Variants in CFDP1 observed in about 807,000 individuals in gnomAD.
CFDP1 encodes the protein heterochromatin-stabilizing protein CFDP1.
Under a neutral mutation model 40.1 loss-of-function variants are expected in CFDP1, and 31 were observed. The ratio of observed to expected loss-of-function variants is 0.77; its 90% confidence interval spans 0.58 to 1.04. CFDP1 has a LOEUF of 1.04. Ranked by LOEUF, CFDP1 falls within the 50% of genes least tolerant of loss-of-function variation. CFDP1 has a pLI of 0.00. For synonymous variants in CFDP1, 167 were observed against 120.0 expected (o/e 1.39, Z -2.56); for missense variants, 423 against 343.4 (o/e 1.23, Z -1.83).
intron 5 of CFDP1, among the ~76,000 whole-genome samples, chr16:75,357,975 T>TA (rs2078656583): frequency 6.6e-6 from 1 of 152,202 alleles, no homozygotes; most frequent in Non-Finnish European, 1.5e-5. Context: ...CTTGAACACT[T>TA]AGAGGTCACT....
chr16:75,390,393 A>G (rs911897981), intron 5 of CFDP1, among the ~76,000 whole-genome samples: 5 of 152,232 alleles, frequency 3.3e-5, no homozygotes, highest in Non-Finnish European at 7.3e-5. Flanking sequence ...AAGTCAGTGT[A>G]GAGAGAATCC....
rs780601023 is a variant in CFDP1 at position 75,412,671 on chromosome 16, T to C, written c.266A>G (p.Glu89Gly). Reference protein sequence around the residue: ...NSESEGSSSEEEDDAAEQEKG... With the variant: ...NSESEGSSSEGEDDAAEQEKG... ...TTCCTGCTCTGCAGCGTCATCTTCC[T>C]CCTCACTACTGCTTCCCTCAGATTC... The change falls in exon 3 of 7, where the codon GAG (glutamate) becomes GGG (glycine). Residue 89 changes from glutamate to glycine, a missense_variant. Coordinates refer to ENST00000283882, the MANE Select transcript of CFDP1 (RefSeq NM_006324.3). 1.2e-6 allele frequency: 2 copies of C among 1,614,148 alleles called. No homozygotes were observed. Among genetic ancestry groups the C allele is most frequent in the Non-Finnish European group, 1.7e-6 (2 of 1,180,034 alleles).
intron 5 of CFDP1, among the ~76,000 whole-genome samples, chr16:75,345,110 A>G (rs2078553196): frequency 6.6e-6 from 1 of 152,016 alleles, no homozygotes; most frequent in African/African-American, 2.4e-5. Context: ...AGGTTCACTT[A>G]AGCCCAAGAG....
chr16:75,349,676 A>AT lies in CFDP1; in HGVS notation c.651-44495_651-44494insA, dbSNP rs1199163361. The stretch of plus-strand genomic sequence containing the variant: ...AAAAAAAAAAAAAAAAAAAAAAAAA[A>AT]AAAAAAAAAAAAAAATATATATACA... On this transcript the variant is annotated intron_variant, in intron 5 of 6. Transcript: ENST00000283882. Among the ~76,000 whole-genome samples the AT allele has an allele frequency of 3.1e-3, 18 of 5,864 alleles. 1 individual carries two copies. The highest frequency in any genetic ancestry group is 4.9e-3 in the African/African-American group (8 of 1,626). 3.8% of individuals were successfully genotyped at this position (5,864 alleles called of 152,430 possible).
chr16:75,295,495 T>A (rs2078175916), intron 6 of CFDP1, among the ~76,000 whole-genome samples: 1 of 152,242 alleles, frequency 6.6e-6, no homozygotes, highest in Non-Finnish European at 1.5e-5. Flanking sequence ...AGGTACTCAA[T>A]AAAATGACAG....
Position 75,294,098 on chromosome 16 carries a change from T to C in CFDP1, c.810-56A>G. ...AATCCAGTAGGAAAAACTCCTCCCCTGCACAGTCCCATCCCCCAGGGATAA... is the reference window on the plus strand; with the variant it reads ...AATCCAGTAGGAAAAACTCCTCCCCCGCACAGTCCCATCCCCCAGGGATAA... On this transcript the variant is annotated intron_variant, in intron 6 of 6. Coordinates refer to ENST00000283882, the MANE Select transcript of CFDP1 (RefSeq NM_006324.3). The C allele has an allele frequency of 2.3e-6, 3 of 1,304,972 alleles. No individual in the cohort carries two copies. In the South Asian group the frequency reaches 3.5e-5, roughly 15 times the overall value. The allele number at this position is 1,304,972 out of a possible 1,614,324, so 80.8% of individuals were successfully genotyped here.
chr16:75,320,458 A>G (rs890723140), intron 5 of CFDP1, among the ~76,000 whole-genome samples: 2 of 152,180 alleles, frequency 1.3e-5, no homozygotes, highest in Non-Finnish European at 2.9e-5. Context: ...AAAAAAGAAA[A>G]AAATCAAGTG....
chr16:75,318,487 C>G (rs550569052), intron 5 of CFDP1, among the ~76,000 whole-genome samples: 11 of 150,138 alleles, frequency 7.3e-5, no homozygotes, highest in African/African-American at 1.2e-4. Context: ...CTCACTGCAA[C>G]CTCCGCCTCC....
rs1162709942 is a variant in CFDP1, at chr16:75,418,376, G to T, written c.65-3681C>A. 5.5e-5 allele frequency among the ~76,000 whole-genome samples: 8 copies of T among 145,786 alleles called. No individual in the cohort carries two copies. In the Admixed American group the frequency reaches 5.6e-4, roughly 10 times the overall value. On this transcript the variant is annotated intron_variant, in intron 1 of 6. Transcript: ENST00000283882. ...GCTAGAGTGCAGTGGCACGATCTCG[G>T]CTCACTGCAAGCTCCGCCTCCCGGG...
At chr16:75,337,872 C>A (rs564372631) in intron 5 of CFDP1, among the ~76,000 whole-genome samples, 5 of 152,288 alleles carry the variant, frequency 3.3e-5, no homozygotes, top group African/African-American at 1.2e-4. Context: ...CATTGACCAA[C>A]GACTTCAGCA....
chr16:75,401,055 G>A (rs1309344354), intron 4 of CFDP1, among the ~76,000 whole-genome samples: 1 of 152,254 alleles, frequency 6.6e-6, no homozygotes, highest in South Asian at 2.1e-4. Flanking sequence ...CAGCACTTTG[G>A]GAGGCCGAGG....
At chr16:75,300,238 A>G (rs1259817034) in intron 6 of CFDP1, among the ~76,000 whole-genome samples, 4 of 152,150 alleles carry the variant, frequency 2.6e-5, no homozygotes, top group African/African-American at 4.8e-5. Flanking sequence ...GAAACCATCA[A>G]TTGGACTTGT....
intron 5 of CFDP1, among the ~76,000 whole-genome samples, chr16:75,349,713 G>A (rs185436815): frequency 3.4e-5 from 3 of 88,178 alleles, no homozygotes; most frequent in African/African-American, 4.4e-5. Context: ...ACATATATAC[G>A]GTTGATTTTT....
At chr16:75,337,198 G>A (rs867907985) in intron 5 of CFDP1, among the ~76,000 whole-genome samples, 1 of 152,236 alleles carries the variant, frequency 6.6e-6, no homozygotes, top group South Asian at 2.1e-4. Context: ...CTGAAAGGGA[G>A]AAGACAGCAA....
chr16:75,414,045 A>G lies in CFDP1; in HGVS notation c.182+533T>C, dbSNP rs946344058. 3.3e-5 allele frequency among the ~76,000 whole-genome samples: 5 copies of G among 152,336 alleles called. No individual in the cohort carries two copies. In the East Asian group the frequency reaches 9.6e-4, roughly 29 times the overall value. ...TTTGTTGTAGTAAAGACTAGATACA[A>G]TCTAAACATCCCTCGATACAGGAAA... is the stretch of plus-strand genomic sequence containing the variant. On this transcript the variant is annotated intron_variant, in intron 2 of 6. Transcript: ENST00000283882.
At chr16:75,415,693 G>A (rs1297224254) in intron 1 of CFDP1, among the ~76,000 whole-genome samples, 1 of 152,174 alleles carries the variant, frequency 6.6e-6, no homozygotes, top group East Asian at 1.9e-4. Flanking sequence ...TTGCAGTGTA[G>A]CTGTAGTTTA....
chr16:75,430,995 G>C (rs962073988), intron 1 of CFDP1, among the ~76,000 whole-genome samples: 36 of 152,100 alleles, frequency 2.4e-4, no homozygotes, highest in Non-Finnish European at 4.3e-4. Flanking sequence ...GGGCGCCTTA[G>C]AATTTTATTT....
chr16:75,417,196 C>G (rs1272534804), intron 1 of CFDP1, among the ~76,000 whole-genome samples: 1 of 152,172 alleles, frequency 6.6e-6, no homozygotes, highest in Non-Finnish European at 1.5e-5. Flanking sequence ...CAAATACCAC[C>G]CCAAAATACA....
At chr16:75,330,919 G>T (rs533583228) in intron 5 of CFDP1, among the ~76,000 whole-genome samples, 1 of 144,834 alleles carries the variant, frequency 6.9e-6, no homozygotes, top group Non-Finnish European at 1.5e-5. Flanking sequence ...CTCTGAGGCA[G>T]ACAGGCCAGT....
Sources: gnomAD v4.1 joint callset for allele counts (sites outside exome capture counted in the v4.1 genomes callset) on GRCh38, gnomAD v4.1.1 for gene constraint, MANE v1.5 for transcripts, NCBI Gene and HGNC (gene_info 2026-07-23, HGNC 2026-07-21) for gene names.